PRKG1: variants seen among roughly 807,000 people sequenced by gnomAD.
PRKG1 encodes the protein cGMP-dependent protein kinase 1.
A neutral mutation model predicts 88.1 loss-of-function variants in PRKG1; 35 were observed. That is an observed-to-expected ratio of 0.40 (90% CI 0.30 to 0.53). The LOEUF (loss-of-function observed/expected upper bound fraction) is 0.53. Ranked by LOEUF, PRKG1 falls within the 20% of genes least tolerant of loss-of-function variation. PRKG1 has a pLI of 0.59. For synonymous variants in PRKG1, 303 were observed against 292.5 expected (o/e 1.04, Z -0.37); for missense variants, 540 against 839.8 (o/e 0.64, Z 4.41).
At chr10:51,946,899 C>T (rs1295053255) in intron 5 of PRKG1, among the ~76,000 whole-genome samples, 2 of 152,020 alleles carry the variant, frequency 1.3e-5, no homozygotes, top group East Asian at 1.9e-4. Context: ...TTAGGCTGCT[C>T]AGGGGTCAGG....
At chr10:51,030,138 T>TTTTC (rs1843263597) in intron 1 of PRKG1, among the ~76,000 whole-genome samples, 1 of 152,106 alleles carries the variant, frequency 6.6e-6, no homozygotes, top group African/African-American at 2.4e-5. Context: ...GGCTGTTGGA[T>TTTTC]AATAGTAAAT....
chr10:51,932,186 ATTGGT>A (rs1842707945), intron 5 of PRKG1, among the ~76,000 whole-genome samples: 1 of 149,928 alleles, frequency 6.7e-6, no homozygotes, highest in African/African-American at 2.5e-5. Context: ...TCTTTCCTGA[ATTGGT>A]TTGGTGTTTT....
At chr10:51,244,767 C>T (rs1318127028) in intron 2 of PRKG1, 3 of 151,686 alleles carry the variant, frequency 2.0e-5, no homozygotes, top group Non-Finnish European at 2.9e-5. Context: ...ATAATTTTTC[C>T]GTTTTATAGC....
At chr10:51,189,697 A>G (rs567437077) in intron 2 of PRKG1, among the ~76,000 whole-genome samples, 2 of 152,102 alleles carry the variant, frequency 1.3e-5, no homozygotes, top group South Asian at 4.1e-4. Flanking sequence ...TCATTTCTGC[A>G]TAGTTACTAA....
At chr10:51,861,579 C>T (rs894658862) in intron 4 of PRKG1, among the ~76,000 whole-genome samples, 1 of 152,090 alleles carries the variant, frequency 6.6e-6, no homozygotes, top group Non-Finnish European at 1.5e-5. Flanking sequence ...CTAGTCAGAT[C>T]CATGCCTTAC....
chr10:52,272,350 A>G (rs995901371), intron 11 of PRKG1, 42 bp from the exon 12 acceptor site: 127 of 1,454,848 alleles, frequency 8.7e-5, no homozygotes, highest in Non-Finnish European at 1.2e-4. Context: ...TGTAAAAGAC[A>G]GTAATGTTTA....
chr10:51,153,542 A>G (rs1846130525), intron 2 of PRKG1, among the ~76,000 whole-genome samples: 1 of 152,004 alleles, frequency 6.6e-6, no homozygotes, highest in Non-Finnish European at 1.5e-5. Flanking sequence ...AGAATCCAGT[A>G]TTTTTTCAGA....
At chr10:51,642,287 G>A (rs914509366) in intron 3 of PRKG1, among the ~76,000 whole-genome samples, 2 of 152,100 alleles carry the variant, frequency 1.3e-5, no homozygotes, top group African/African-American at 4.8e-5. Context: ...CTACTCAGGG[G>A]GCTGAGGCAG....
chr10:51,158,219 T>A (rs1003671009), intron 2 of PRKG1, among the ~76,000 whole-genome samples: 5 of 151,934 alleles, frequency 3.3e-5, no homozygotes, highest in African/African-American at 1.2e-4. Flanking sequence ...ATTCTCATAA[T>A]GACATTAAGA....
At chr10:51,276,058 G>A (rs1395434058) in intron 2 of PRKG1, among the ~76,000 whole-genome samples, 2 of 151,706 alleles carry the variant, frequency 1.3e-5, no homozygotes, top group African/African-American at 4.8e-5. Flanking sequence ...TTGGTGTGCT[G>A]CACCCACTAA....
At chr10:51,836,780 A>G (rs939830184) in intron 4 of PRKG1, among the ~76,000 whole-genome samples, 4 of 152,218 alleles carry the variant, frequency 2.6e-5, no homozygotes, top group Non-Finnish European at 4.4e-5. Context: ...GAAGAAAAAC[A>G]TAAGTCTTTA....
At chr10:51,618,591 T>C (rs1030480646) in intron 3 of PRKG1, among the ~76,000 whole-genome samples, 4 of 152,212 alleles carry the variant, frequency 2.6e-5, no homozygotes, top group Admixed American at 6.5e-5. Context: ...GGTACTATTA[T>C]AGTCCCTACT....
intron 5 of PRKG1, among the ~76,000 whole-genome samples, chr10:51,995,320 C>T (rs551997514): frequency 6.6e-6 from 1 of 152,128 alleles, no homozygotes; most frequent in East Asian, 1.9e-4. Flanking sequence ...AGGTAATGTA[C>T]AATCATGCAG....
chr10:52,115,751 A>G (rs1312370880), intron 7 of PRKG1, among the ~76,000 whole-genome samples: 1 of 152,292 alleles, frequency 6.6e-6, no homozygotes, highest in East Asian at 1.9e-4. Context: ...TTTGAGGGCA[A>G]TGACTTTATC....
intron 3 of PRKG1, among the ~76,000 whole-genome samples, chr10:51,517,053 G>T (rs1841607985): frequency 6.6e-6 from 1 of 152,086 alleles, no homozygotes; most frequent in African/African-American, 2.4e-5. Context: ...ACCCTCCTAG[G>T]TTCTACAGCT....
At chr10:51,825,505 G>A (rs1839861399) in intron 4 of PRKG1, among the ~76,000 whole-genome samples, 2 of 152,046 alleles carry the variant, frequency 1.3e-5, no homozygotes, top group Admixed American at 6.6e-5. Context: ...AGCACTGTAG[G>A]CAAAGACACA....
chr10:52,107,820 T>C (rs1847461383), intron 7 of PRKG1, among the ~76,000 whole-genome samples: 1 of 152,238 alleles, frequency 6.6e-6, no homozygotes, highest in African/African-American at 2.4e-5. Flanking sequence ...CCAAAAATTC[T>C]GCTACTTACT....
intron 2 of PRKG1, among the ~76,000 whole-genome samples, chr10:51,364,035 T>A (rs550111163): frequency 6.6e-6 from 1 of 151,998 alleles, no homozygotes; most frequent in Non-Finnish European, 1.5e-5. Flanking sequence ...CACTGACCTC[T>A]CTTTTCCTGG....
chr10:51,871,831 A>AG (rs1217420862), intron 4 of PRKG1, among the ~76,000 whole-genome samples: 1 of 152,122 alleles, frequency 6.6e-6, no homozygotes, highest in African/African-American at 2.4e-5. Flanking sequence ...GTCTTGCTGC[A>AG]GGGGGTGGAT....
Sources: gnomAD v4.1 joint callset for allele counts (sites outside exome capture counted in the v4.1 genomes callset) on GRCh38, gnomAD v4.1.1 for gene constraint, MANE v1.5 for transcripts, NCBI Gene and HGNC (gene_info 2026-07-23, HGNC 2026-07-21) for gene names.